NR3C1: variants seen among roughly 807,000 people sequenced by gnomAD.
NR3C1 encodes the protein nuclear receptor subfamily 3 group C member 1, also known as glucocorticoid receptor.
In NR3C1, 14 loss-of-function variants were observed where a neutral mutation model predicts 74.0. The ratio of observed to expected loss-of-function variants is 0.19; its 90% CI spans 0.12 to 0.30. NR3C1 has a LOEUF of 0.30. NR3C1 is among the 10% of genes least tolerant of loss of function. The probability of loss-of-function intolerance (pLI) is 1.00; values close to 1 mark genes in which losing one functional copy is unlikely to be tolerated. For synonymous variants in NR3C1, 308 were observed against 332.5 expected, an observed-to-expected ratio of 0.93 and a Z score of 0.80; for missense variants, 695 against 909.8, an observed-to-expected ratio of 0.76 and a Z score of 3.04.
chr5:143,286,768 C>T lies in NR3C1; in HGVS notation c.2024-4043G>A, dbSNP rs534977803. 4.2e-4 allele frequency among the ~76,000 whole-genome samples: 64 copies of T among 151,990 alleles called. 1 individual carries two copies. The South Asian group carries it at 0.013, about 31-fold the overall frequency. On this transcript the variant is annotated intron_variant, in intron 7 of 8. Coordinates refer to ENST00000394464, the MANE Select transcript of NR3C1 (RefSeq NM_000176.3). ...TAGTCTATCAATCAACTTGACCTAA[C>T]TGACGTTCATAAAACTCTACTTAAC...
Position 143,389,237 on chromosome 5 carries a change from A to G in NR3C1, c.1184+10419T>C, listed in dbSNP as rs933622165. The stretch of plus-strand genomic sequence containing the variant: ...GGATATTCATCTTCTTCATCTCCAT[A>G]TGCCCAGTGTCTAGCTTGATAAATG... On this transcript the variant is annotated intron_variant, in intron 2 of 8. Transcript: ENST00000394464. Among the ~76,000 whole-genome samples, 8 of 152,118 alleles carry G rather than the reference A, an allele frequency of 5.3e-5. No individual in the cohort carries two copies. The East Asian group carries it at 1.2e-3, about 22-fold the overall frequency.
chr5:143,310,104 G>A lies in NR3C1; in HGVS notation c.1461C>T (p.Asn487=), dbSNP rs749495403. 6.8e-6 allele frequency: 11 copies of A among 1,610,830 alleles called. No individual in the cohort carries two copies. In the South Asian group the frequency reaches 1.1e-4, roughly 16 times the overall value. The change falls in exon 4 of 9, where the codon AAC becomes AAT. Residue 487 remains asparagine (N), a synonymous_variant. Transcript: ENST00000394464. ...RYRKCLQAGM[N]LEARKTKKKI... ...TTCAGATATTTATATTACCTTCCAG[G>A]TTCATTCCAGCCTGAAGACATTTTC...
chr5:143,324,550 C>T (rs1001869137), intron 2 of NR3C1, among the ~76,000 whole-genome samples: 1 of 152,202 alleles, frequency 6.6e-6, no homozygotes, highest in Non-Finnish European at 1.5e-5. Context: ...GGAAGGGCTG[C>T]TGTGAAGGTC....
chr5:143,377,567 C>T (rs964907257), intron 2 of NR3C1, among the ~76,000 whole-genome samples: 2 of 152,252 alleles, frequency 1.3e-5, no homozygotes, highest in Non-Finnish European at 2.9e-5. Context: ...ATACAGGCTC[C>T]TTTGAGGTCA....
chr5:143,402,939 A>G lies in NR3C1; in HGVS notation c.-14+272T>C, dbSNP rs72557318. The G allele has an allele frequency of 6.4e-6, 5 of 784,656 alleles. No individual in the cohort carries two copies. In the East Asian group the frequency reaches 6.3e-4, roughly 99 times the overall value. The allele number at this position is 784,656 out of a possible 1,614,324, so 48.6% of individuals were successfully genotyped here. ...GAATGAGAGGCTCGAAGCCCCCGGC[A>G]GTTCGACAGGGCTCCGCTCGCCGTC... On this transcript the variant is annotated intron_variant, in intron 1 of 8. Coordinates refer to ENST00000394464, the MANE Select transcript of NR3C1 (RefSeq NM_000176.3).
At chr5:143,385,338 C>T (rs907738939) in intron 2 of NR3C1, among the ~76,000 whole-genome samples, 2 of 152,198 alleles carry the variant, frequency 1.3e-5, no homozygotes, top group African/African-American at 4.8e-5. Context: ...TTAGGCTACT[C>T]TTCATCTATG....
rs137998114 is a variant in NR3C1 at position 143,337,237 on chromosome 5, G to C, written c.1185-23069C>G. On this transcript the variant is annotated intron_variant, in intron 2 of 8. Transcript: ENST00000394464. The stretch of plus-strand genomic sequence containing the variant: ...CTTTACAATACAGGAACTCCAAATG[G>C]CCAATAAACATATGAAAAGTTACTC... 1.0e-3 allele frequency among the ~76,000 whole-genome samples: 156 copies of C among 152,242 alleles called. 3 individuals carry two copies. In the East Asian group the frequency reaches 0.022, roughly 22 times the overall value.
intron 1 of NR3C1, chr5:143,409,301 A>G (rs1600663469): frequency 6.6e-6 from 1 of 152,334 alleles, no homozygotes. Flanking sequence ...TTTATCACAT[A>G]TATTTCCTCT....
upstream of NR3C1, chr5:143,404,055 C>T: frequency 1.0e-6 from 1 of 985,570 alleles, no homozygotes; most frequent in South Asian, 4.7e-5. Flanking sequence ...TACCTCCTTC[C>T]CGCCCCCGCC....
chr5:143,340,633 C>T (rs1351045421), intron 2 of NR3C1, among the ~76,000 whole-genome samples: 1 of 151,780 alleles, frequency 6.6e-6, no homozygotes, highest in African/African-American at 2.4e-5. Flanking sequence ...CAGGTGCGCG[C>T]CACCACGCCC....
intron 2 of NR3C1, among the ~76,000 whole-genome samples, chr5:143,341,956 T>C (rs1488697526): frequency 1.3e-5 from 2 of 152,160 alleles, no homozygotes; most frequent in Non-Finnish European, 2.9e-5. Context: ...ATGTCCTGAC[T>C]CACTTCTACT....
At chr5:143,310,264 T>A in intron 3 of NR3C1, 51 bp from the exon 4 acceptor site, 1 of 1,270,408 alleles carries the variant, frequency 7.9e-7, no homozygotes, top group African/African-American at 1.5e-5. Flanking sequence ...TCAAACATAT[T>A]TTATAAGGAC....
intron 1 of NR3C1, among the ~76,000 whole-genome samples, chr5:143,424,508 A>C (rs762194611): frequency 1.3e-5 from 2 of 152,276 alleles, no homozygotes; most frequent in African/African-American, 4.8e-5. Flanking sequence ...TTATGTATCC[A>C]TAATAATTAA....
chr5:143,424,845 G>T (rs1751447816), intron 1 of NR3C1, among the ~76,000 whole-genome samples: 1 of 152,124 alleles, frequency 6.6e-6, no homozygotes. Context: ...CCAAGCACAG[G>T]TCTCAGTGCC....
intron 1 of NR3C1, among the ~76,000 whole-genome samples, chr5:143,420,184 C>G (rs1031354202): frequency 6.6e-6 from 1 of 152,130 alleles, no homozygotes; most frequent in Non-Finnish European, 1.5e-5. Flanking sequence ...CACACATGCT[C>G]TACAATTTGT....
chr5:143,329,983 A>G (rs901625910), intron 2 of NR3C1, among the ~76,000 whole-genome samples: 1 of 152,198 alleles, frequency 6.6e-6, no homozygotes, highest in Non-Finnish European at 1.5e-5. Flanking sequence ...TTGTCTACAT[A>G]TACATTTGTC....
At position 143,418,771 on chromosome 5, in the gene NR3C1, T is replaced by C. The variant is rs1408170475; in HGVS notation, c.-14+15761A>G. Among the ~76,000 whole-genome samples, 8 of 152,162 alleles carry C rather than the reference T, an allele frequency of 5.3e-5. No individual in the cohort carries two copies. In the East Asian group the frequency reaches 1.4e-3, roughly 26 times the overall value. ...TAAGCTCCAGTGATGACACAGATTA[T>C]GCTGAAAGGAAGAATAGTGTTAACA... On this transcript the variant is annotated intron_variant, in intron 1 of 8. Coordinates refer to the NR3C1 transcript ENST00000343796.
chr5:143,401,975 C>A (rs577954482), intron 1 of NR3C1, among the ~76,000 whole-genome samples: 2 of 152,286 alleles, frequency 1.3e-5, no homozygotes, highest in African/African-American at 4.8e-5. Flanking sequence ...GACGGAGAAG[C>A]GCATTTGGGA....
chr5:143,389,090 G>A lies in NR3C1; in HGVS notation c.1184+10566C>T, dbSNP rs559025366. 5.9e-5 allele frequency among the ~76,000 whole-genome samples: 9 copies of A among 152,258 alleles called. No homozygotes were observed. The South Asian group carries it at 1.9e-3, about 32-fold the overall frequency. ...CATTCATTCATGCACTTTCCTCCAT[G>A]AAGTTTCAGTTATGTCTTCCCAGGA... On this transcript the variant is annotated intron_variant, in intron 2 of 8. Transcript: ENST00000394464.
Sources: gnomAD v4.1 joint callset for allele counts (sites outside exome capture counted in the v4.1 genomes callset) on GRCh38, gnomAD v4.1.1 for gene constraint, MANE v1.5 for transcripts, NCBI Gene and HGNC (gene_info 2026-07-23, HGNC 2026-07-21) for gene names.